Variants in HSCB observed in about 807,000 individuals in gnomAD.
HSCB encodes the protein iron-sulfur cluster co-chaperone protein HscB.
HSCB carries 23 observed loss-of-function variants against 31.3 expected under a neutral mutation model. That is an observed-to-expected ratio of 0.74 (90% CI 0.53 to 1.04). The LOEUF (loss-of-function observed/expected upper bound fraction) is 1.04, where lower values mean the gene tolerates loss of function less well. HSCB is among the 50% of genes least tolerant of loss of function. The pLI, the probability that HSCB is intolerant of heterozygous loss-of-function variation, is 0.00. For synonymous variants in HSCB, 110 were observed against 104.5 expected (o/e 1.05, Z -0.32); for missense variants, 297 against 288.1 (o/e 1.03, Z -0.22).
At chr22:28,746,987 C>T (rs1282601083) in intron 4 of HSCB, among the ~76,000 whole-genome samples, 1 of 151,802 alleles carries the variant, frequency 6.6e-6, no homozygotes, top group South Asian at 2.1e-4. Flanking sequence ...TCATCTGAGC[C>T]CAGGAGGCAG....
chr22:28,756,821 G>A (rs2030628832), intron 5 of HSCB, among the ~76,000 whole-genome samples: 1 of 152,016 alleles, frequency 6.6e-6, no homozygotes, highest in East Asian at 1.9e-4. Flanking sequence ...ACTTGGGACT[G>A]TCCTGAAGAG....
At chr22:28,756,941 G>C in intron 5 of HSCB, 137 bp from the exon 6 acceptor site, 1 of 691,230 alleles carries the variant, frequency 1.4e-6, no homozygotes, top group East Asian at 2.6e-5. Flanking sequence ...CTCCCTCTTC[G>C]TTGCTCAGTC....
intron 4 of HSCB, among the ~76,000 whole-genome samples, chr22:28,747,338 G>A (rs1018458892): frequency 6.6e-6 from 1 of 152,102 alleles, no homozygotes; most frequent in African/African-American, 2.4e-5. Context: ...GTCTCACTCT[G>A]TCACCCAGGC....
chr22:28,755,520 C>T (rs1386008932), intron 5 of HSCB, among the ~76,000 whole-genome samples: 1 of 152,146 alleles, frequency 6.6e-6, no homozygotes, highest in Non-Finnish European at 1.5e-5. Flanking sequence ...GTAACCACTC[C>T]TGAATTTTGT....
chr22:28,745,719 A>T (rs1399762233), intron 3 of HSCB, 145 bp from the exon 4 acceptor site: 1 of 625,480 alleles, frequency 1.6e-6, no homozygotes, highest in African/African-American at 1.9e-5. Flanking sequence ...TTTCAGTCCA[A>T]GCTTTTGATA....
At chr22:28,744,521 TC>T in intron 2 of HSCB, 93 bp from the exon 3 acceptor site, 1 of 882,346 alleles carries the variant, frequency 1.1e-6, no homozygotes, top group Non-Finnish European at 1.9e-6. Context: ...CACTGCACAC[TC>T]CAGCCTGGAT....
intron 5 of HSCB, among the ~76,000 whole-genome samples, chr22:28,754,478 T>C (rs1036716314): frequency 5.3e-5 from 8 of 152,066 alleles, no homozygotes; most frequent in Admixed American, 5.2e-4. Flanking sequence ...GAGACCAGCC[T>C]GACCAACATG....
intron 3 of HSCB, 141 bp from the exon 4 acceptor site, chr22:28,745,723 T>G: frequency 1.5e-6 from 1 of 648,740 alleles, no homozygotes. Flanking sequence ...AGTCCAAGCT[T>G]TTGATACCCC....
intron 4 of HSCB, among the ~76,000 whole-genome samples, chr22:28,746,473 C>T (rs984805678): frequency 6.6e-6 from 1 of 151,408 alleles, no homozygotes; most frequent in Non-Finnish European, 1.5e-5. Context: ...TAGGGTAGGG[C>T]TGGGCACAGT....
At chr22:28,756,804 A>G (rs1055850671) in intron 5 of HSCB, among the ~76,000 whole-genome samples, 4 of 151,982 alleles carry the variant, frequency 2.6e-5, no homozygotes, top group Non-Finnish European at 5.9e-5. Flanking sequence ...TCCACCACCC[A>G]TTTATTACTT....
intron 3 of HSCB, 29 bp from the exon 4 acceptor site, chr22:28,745,835 C>T (rs758798207): frequency 1.3e-6 from 2 of 1,580,104 alleles, no homozygotes; most frequent in Middle Eastern, 1.7e-4. Context: ...GCTTCTTCAA[C>T]TTATTTTTCT....
At chr22:28,743,603 C>A (rs1301551294) in intron 1 of HSCB, among the ~76,000 whole-genome samples, 1 of 152,184 alleles carries the variant, frequency 6.6e-6, no homozygotes, top group African/African-American at 2.4e-5. Flanking sequence ...CTTGCTCCCA[C>A]CTCGAGGTCC....
chr22:28,754,489 G>A (rs759978812), intron 5 of HSCB, among the ~76,000 whole-genome samples: 42 of 152,130 alleles, frequency 2.8e-4, no homozygotes, highest in Middle Eastern at 3.4e-3. Context: ...GACCAACATG[G>A]TGAAACCCCG....
chr22:28,747,829 C>G (rs2029936355), intron 4 of HSCB, among the ~76,000 whole-genome samples: 1 of 152,130 alleles, frequency 6.6e-6, no homozygotes, highest in Non-Finnish European at 1.5e-5. Flanking sequence ...TTATATATGT[C>G]AACTGTACCC....
chr22:28,751,061 G>A (rs2030210313), intron 4 of HSCB, among the ~76,000 whole-genome samples, 180 bp from the exon 5 acceptor site: 1 of 144,836 alleles, frequency 6.9e-6, no homozygotes, highest in Non-Finnish European at 1.5e-5. Context: ...AACCAGAGTT[G>A]TGCTAAACAG....
intron 5 of HSCB, 79 bp downstream of exon 5, chr22:28,751,367 C>A: frequency 1.3e-6 from 1 of 755,316 alleles, no homozygotes; most frequent in Non-Finnish European, 2.3e-6. Context: ...CAATAACTAG[C>A]TATTATATAC....
intron 5 of HSCB, among the ~76,000 whole-genome samples, chr22:28,756,351 C>A (rs2030596175): frequency 6.6e-6 from 1 of 152,026 alleles, no homozygotes; most frequent in African/African-American, 2.4e-5. Context: ...AACTGTAAGC[C>A]CCCTGAAGGC....
At chr22:28,751,530 G>C (rs1298993338) in intron 5 of HSCB, among the ~76,000 whole-genome samples, 1 of 152,122 alleles carries the variant, frequency 6.6e-6, no homozygotes, top group Admixed American at 6.6e-5. Flanking sequence ...GGCGGATCAC[G>C]AAGTCAGGAG....
intron 5 of HSCB, 121 bp from the exon 6 acceptor site, chr22:28,756,957 G>A: frequency 1.4e-6 from 1 of 715,292 alleles, no homozygotes; most frequent in Non-Finnish European, 2.6e-6. Flanking sequence ...CAGTCTTACT[G>A]AGGAATTGAT....
Sources: allele counts gnomAD v4.1 joint callset (sites outside exome capture counted in the v4.1 genomes callset), GRCh38; gene constraint gnomAD v4.1.1; transcripts MANE v1.5; gene names NCBI Gene and HGNC (gene_info 2026-07-23, HGNC 2026-07-21).